The following FNDC3A variants were observed in gnomAD, a reference collection of about 807,000 sequenced individuals.
The protein encoded by FNDC3A is fibronectin type-III domain-containing protein 3A.
FNDC3A carries 32 observed loss-of-function variants against 148.9 expected under a neutral mutation model. The observed-to-expected ratio is 0.21, with a 90% CI of 0.16 to 0.29. The LOEUF (loss-of-function observed/expected upper bound fraction) is 0.29, where lower values mean the gene tolerates loss of function less well. Ranked by LOEUF, FNDC3A falls within the 10% of genes least tolerant of loss-of-function variation. The pLI is 1.00. For synonymous variants in FNDC3A, 472 were observed against 473.6 expected (o/e 1.00, Z 0.04); for missense variants, 1,191 against 1,452.8 (o/e 0.82, Z 2.93).
intron 2 of FNDC3A, among the ~76,000 whole-genome samples, chr13:49,029,310 T>A (rs1299579320): frequency 6.6e-6 from 1 of 152,180 alleles, no homozygotes; most frequent in African/African-American, 2.4e-5. Flanking sequence ...AAGAGTATAT[T>A]TCTACAAAGC....
intron 5 of FNDC3A, among the ~76,000 whole-genome samples, chr13:49,133,174 A>G (rs1285291181): frequency 6.6e-6 from 1 of 152,202 alleles, no homozygotes; most frequent in Non-Finnish European, 1.5e-5. Flanking sequence ...CTGCATTTCT[A>G]ACAAGCCCCT....
chr13:49,051,183 A>G (rs748535534), intron 2 of FNDC3A, among the ~76,000 whole-genome samples: 1 of 152,008 alleles, frequency 6.6e-6, no homozygotes, highest in Non-Finnish European at 1.5e-5. Flanking sequence ...TGTTCTCTTC[A>G]TTGCACTATT....
At chr13:48,982,005 A>T (rs1400490360) in intron 1 of FNDC3A, among the ~76,000 whole-genome samples, 1 of 152,124 alleles carries the variant, frequency 6.6e-6, no homozygotes, top group Non-Finnish European at 1.5e-5. Context: ...GAGGCAAAAA[A>T]ATCTTACTTC....
intron 3 of FNDC3A, among the ~76,000 whole-genome samples, chr13:49,099,321 T>C (rs924359912): frequency 4.6e-5 from 7 of 152,114 alleles, no homozygotes; most frequent in African/African-American, 1.7e-4. Context: ...TAAATCATTC[T>C]CTCTTCCTGA....
At chr13:49,013,537 C>T (rs528989465) in intron 2 of FNDC3A, among the ~76,000 whole-genome samples, 30 of 150,698 alleles carry the variant, frequency 2.0e-4, no homozygotes, top group South Asian at 6.3e-4. Context: ...CATGTATATA[C>T]GTGTACATGT....
chr13:49,178,535 A>T, intron 13 of FNDC3A, 33 bp from the exon 14 acceptor site: 1 of 1,298,080 alleles, frequency 7.7e-7, no homozygotes. Context: ...ATTGTTAGAC[A>T]TCGAATGAAG....
chr13:49,030,957 C>T (rs1874074726), intron 2 of FNDC3A, among the ~76,000 whole-genome samples: 1 of 152,128 alleles, frequency 6.6e-6, no homozygotes, highest in Non-Finnish European at 1.5e-5. Flanking sequence ...ACGTTGCCTC[C>T]CAAATTCCCA....
intron 3 of FNDC3A, among the ~76,000 whole-genome samples, chr13:49,104,543 GAAAAA>G (rs1160335634): frequency 6.6e-6 from 1 of 151,496 alleles, no homozygotes; most frequent in East Asian, 1.9e-4. Context: ...AAAAAGAAAA[GAAAAA>G]AAAGAAAAGA....
chr13:49,152,387 G>A (rs1883357702), intron 8 of FNDC3A, among the ~76,000 whole-genome samples: 3 of 152,094 alleles, frequency 2.0e-5, no homozygotes, highest in African/African-American at 7.2e-5. Context: ...TTTGAGAAAT[G>A]TCTTCATATC....
intron 8 of FNDC3A, among the ~76,000 whole-genome samples, chr13:49,159,895 G>T (rs1226171211): frequency 6.6e-6 from 1 of 152,154 alleles, no homozygotes; most frequent in Non-Finnish European, 1.5e-5. Context: ...TTTGTCTTTG[G>T]TTCTATTTAT....
chr13:49,190,508 A>AC (rs1338158109), intron 17 of FNDC3A, among the ~76,000 whole-genome samples: 9 of 152,148 alleles, frequency 5.9e-5, no homozygotes, highest in Non-Finnish European at 1.0e-4. Flanking sequence ...ACATACCAAG[A>AC]CCCCATCTCT....
chr13:49,171,324 G>A (rs1429650980), intron 10 of FNDC3A, among the ~76,000 whole-genome samples: 1 of 151,974 alleles, frequency 6.6e-6, no homozygotes, highest in Non-Finnish European at 1.5e-5. Context: ...AAATTAAAAT[G>A]GTTTAATTTT....
At chr13:49,156,235 T>G (rs1883672167) in intron 8 of FNDC3A, among the ~76,000 whole-genome samples, 1 of 149,000 alleles carries the variant, frequency 6.7e-6, no homozygotes. Context: ...TTAGGATAGT[T>G]AGCTCTTCTT....
intron 1 of FNDC3A, among the ~76,000 whole-genome samples, chr13:48,996,079 G>A (rs116917786): frequency 6.8e-4 from 103 of 152,254 alleles, no homozygotes; most frequent in Admixed American, 3.3e-3. Context: ...TCCTGAAAGG[G>A]TACTTAGATG....
At chr13:49,041,569 G>A (rs1416356822) in intron 2 of FNDC3A, among the ~76,000 whole-genome samples, 1 of 152,154 alleles carries the variant, frequency 6.6e-6, no homozygotes, top group African/African-American at 2.4e-5. Flanking sequence ...CCAACACTTT[G>A]GGAGGCTGAG....
intron 2 of FNDC3A, among the ~76,000 whole-genome samples, chr13:49,043,129 T>G (rs2137690973): frequency 6.6e-6 from 1 of 151,556 alleles, no homozygotes; most frequent in African/African-American, 2.4e-5. Flanking sequence ...CCAGTTTTTT[T>G]TTTTTTTTTA....
chr13:49,074,448 C>T (rs934520146), intron 2 of FNDC3A, among the ~76,000 whole-genome samples: 3 of 152,070 alleles, frequency 2.0e-5, no homozygotes, highest in Admixed American at 2.0e-4. Context: ...CATGAGGAAA[C>T]AATACTAGCT....
chr13:49,191,049 T>G lies in FNDC3A; in HGVS notation c.1979T>G (p.Val660Gly), dbSNP rs1347381777. The change falls in exon 18 of 26, where the codon GTG (valine) becomes GGG (glycine). Residue 660 changes from valine (V) to glycine (G), a missense_variant. Transcript: ENST00000492622. ...TCTTTACTTGTGCAGACTCCAGCTG[T>G]GCCTCCTGGCCCATGCCTCCCTCCC... ...SESLLVQTPAVPPGPCLPPRL... is the reference protein window; with the variant it reads ...SESLLVQTPAGPPGPCLPPRL... 2 of 1,613,956 alleles carry G rather than the reference T, an allele frequency of 1.2e-6. No individual in the cohort carries two copies.
At chr13:49,097,139 A>AT (rs1241345312) in intron 3 of FNDC3A, among the ~76,000 whole-genome samples, 1 of 152,068 alleles carries the variant, frequency 6.6e-6, no homozygotes, top group African/African-American at 2.4e-5. Flanking sequence ...CCATTGAAGG[A>AT]TTTTAAGCAG....
Sources: allele counts gnomAD v4.1 joint callset (sites outside exome capture counted in the v4.1 genomes callset), GRCh38; gene constraint gnomAD v4.1.1; transcripts MANE v1.5; gene names NCBI Gene and HGNC (gene_info 2026-07-23, HGNC 2026-07-21).